Variants in LILRA6 observed in about 807,000 individuals in gnomAD.
LILRA6 encodes the protein leukocyte immunoglobulin like receptor A6, also known as leukocyte immunoglobulin-like receptor subfamily A member 6.
In LILRA6, 16 loss-of-function variants were observed where a neutral mutation model predicts 53.9. The observed-to-expected ratio is 0.30, with a 90% CI of 0.20 to 0.45. The LOEUF (loss-of-function observed/expected upper bound fraction) is 0.45, where lower values mean the gene tolerates loss of function less well. Among genes scored for constraint, LILRA6 ranks in the 20% least tolerant of loss-of-function variants. LILRA6 has a pLI of 1.00. For missense variants in LILRA6, 306 were observed against 618.6 expected, an observed-to-expected ratio of 0.49 and a Z score of 5.36; for synonymous variants, 135 against 256.4, an observed-to-expected ratio of 0.53 and a Z score of 4.52.
Position 54,241,108 on chromosome 19 carries a change from G to GGA in LILRA6, c.676_677dup (p.Leu227ProfsTer3), listed in dbSNP as rs759413435. ...GGACAGGGCCCTGCAGGGTCAGGAGGGAGGGCTTCCTAGACACGCCTGGAG... is the reference window on the plus strand; with the variant it reads ...GGACAGGGCCCTGCAGGGTCAGGAGGGAGAGGGCTTCCTAGACACGCCTGGAG... On this transcript the variant is annotated frameshift_variant, in exon 5 of 8. Transcript: ENST00000396365. LOFTEE classifies it high-confidence loss of function. 1 of 1,593,432 alleles carries GGA rather than the reference G, an allele frequency of 6.3e-7. No individual in the cohort carries two copies. Among genetic ancestry groups the GGA allele is most frequent in the Non-Finnish European group, 8.5e-7 (1 of 1,169,838 alleles).
chr19:54,239,241 G>T, intron 7 of LILRA6, 152 bp from the exon 8 acceptor site: 1 of 1,537,860 alleles, frequency 6.5e-7, no homozygotes, highest in Non-Finnish European at 8.7e-7. Context: ...GTTTTGTGAT[G>T]GGGTGAGGGT....
intron 4 of LILRA6, 22 bp from the exon 5 acceptor site, chr19:54,241,149 G>A (rs767145208): frequency 3.3e-6 from 5 of 1,523,148 alleles, no homozygotes; most frequent in Non-Finnish European, 4.4e-6. Flanking sequence ...GAGGAGCCAG[G>A]ACTGAGAGGG....
rs561477614 is a variant in LILRA6 at position 54,239,450 on chromosome 19, A to G, written c.1310-361T>C. ...GTTTTCCTGTGTTCTATGAATTTCA[A>G]CGCTGCTCCTGAGCCATTTCCTCCC... On this transcript the variant is annotated intron_variant, in intron 7 of 7. Coordinates refer to ENST00000396365, the Ensembl canonical transcript of LILRA6. The G allele has an allele frequency of 2.2e-4, 133 of 618,124 alleles. 3 individuals carry two copies. The East Asian group carries it at 4.2e-3, about 20-fold the overall frequency. 38.3% of individuals were successfully genotyped at this position (618,124 alleles called of 1,614,324 possible).
chr19:54,240,510 A>G (rs1434261692), exon 6 of LILRA6: 5 of 1,606,584 alleles, frequency 3.1e-6, no homozygotes, highest in East Asian at 2.2e-5. Flanking sequence ...CAGCAGGGTC[A>G]CGTTCTCTCC....
At chr19:54,239,328 C>T in intron 7 of LILRA6, 2 of 1,300,722 alleles carry the variant, frequency 1.5e-6, no homozygotes, top group Non-Finnish European at 2.1e-6. Context: ...CGTTCTTATT[C>T]TTCCAGGCCT....
intron 7 of LILRA6, chr19:54,239,440 A>T (rs911221093): frequency 1.6e-6 from 1 of 625,374 alleles, no homozygotes. Flanking sequence ...CCTGTGTTCT[A>T]TGAATTTCAA....
intron 7 of LILRA6, chr19:54,239,565 C>T (rs894793850): frequency 2.1e-6 from 2 of 938,028 alleles, no homozygotes; most frequent in Non-Finnish European, 3.2e-6. Context: ...AGCATTTGAG[C>T]TCAGAGAGGA....
chr19:54,242,046 G>A (rs1173536124), exon 3 of LILRA6: 1 of 1,420,510 alleles, frequency 7.0e-7, no homozygotes, highest in African/African-American at 1.7e-5. Context: ...CAGCTCCAGG[G>A]GGTCGCTGGG....
In LILRA6 at chr19:54,241,349, C is replaced by G. The variant is rs1354228237; in HGVS notation, c.659-222G>C. ...TTCCTCCTCTCCCTGAGAGCTGGGACCTCACAGCAAACACACCGATGCCTT... is the reference window on the plus strand; with the variant it reads ...TTCCTCCTCTCCCTGAGAGCTGGGAGCTCACAGCAAACACACCGATGCCTT... On this transcript the variant is annotated intron_variant, in intron 4 of 7. Coordinates refer to ENST00000396365, the Ensembl canonical transcript of LILRA6. The G allele has an allele frequency of 1.5e-5, 16 of 1,094,180 alleles. 2 individuals are homozygous for G. Among genetic ancestry groups the G allele is most frequent in the Non-Finnish European group, 2.0e-5 (16 of 810,588 alleles). 67.8% of individuals were successfully genotyped at this position (1,094,180 alleles called of 1,614,324 possible).
chr19:54,239,758 C>G (rs1205229650), intron 7 of LILRA6, 143 bp downstream of exon 7: 1 of 1,550,404 alleles, frequency 6.4e-7, no homozygotes, highest in East Asian at 2.4e-5. Flanking sequence ...CTCTCTCTGC[C>G]TTGAACCCCC....
intron 7 of LILRA6, chr19:54,239,632 T>TG (rs1391026750): frequency 9.5e-6 from 13 of 1,375,012 alleles, no homozygotes; most frequent in Admixed American, 4.4e-5. Context: ...GGCCTGACCC[T>TG]GGGGGGTTGA....
At chr19:54,240,321 G>A (rs746158165) in exon 6 of LILRA6, 2 of 1,603,224 alleles carry the variant, frequency 1.2e-6, no homozygotes, top group African/African-American at 2.7e-5. Context: ...CAGCAGGTGG[G>A]GGTTGGAGCT....
chr19:54,242,785 AGG>A lies in LILRA6; in HGVS notation c.-36_-35del, dbSNP rs2147552515. ...CTCCTGGTGACCCCGGGCTCTGCAG[AGG>A]GATGAGCCCTCAGTGCTGGCAGGAC... On this transcript the variant is annotated 5_prime_UTR_variant, in exon 1 of 8. Coordinates refer to ENST00000396365, the Ensembl canonical transcript of LILRA6. 13 of 1,049,972 alleles carry A rather than the reference AGG, an allele frequency of 1.2e-5. 1 individual carries two copies. The East Asian group carries it at 3.2e-4, about 26-fold the overall frequency. 65.0% of individuals were successfully genotyped at this position (1,049,972 alleles called of 1,614,324 possible).
exon 6 of LILRA6, chr19:54,240,298 C>T: frequency 6.2e-7 from 1 of 1,603,648 alleles, no homozygotes; most frequent in Non-Finnish European, 8.5e-7. Context: ...TCCAGGGGCT[C>T]ACTGGGGAAA....
chr19:54,239,128 A>T (rs8099961), intron 7 of LILRA6, 39 bp from the exon 8 acceptor site: 427,216 of 1,588,126 alleles, frequency 0.27, 42,634 homozygotes, highest in African/African-American at 0.66. Flanking sequence ...AGGTCCGGGC[A>T]GATCAACTTC....
At position 54,239,343 on chromosome 19, in the gene LILRA6, A is replaced by T. The variant is rs1009999285; in HGVS notation, c.1310-254T>A. 2.6e-6 allele frequency: 3 copies of T among 1,140,812 alleles called. No individual in the cohort carries two copies. The East Asian group carries it at 8.3e-5, about 32-fold the overall frequency. The allele number at this position is 1,140,812 out of a possible 1,614,324, so 70.7% of individuals were successfully genotyped here. On this transcript the variant is annotated intron_variant, in intron 7 of 7. Transcript: ENST00000396365. ...CGTTCTTATTCTTCCAGGCCTCATG[A>T]CGTGGCTTTTACGGAGTTCCTCAAT...
At chr19:54,239,506 C>A (rs2078689462) in intron 7 of LILRA6, 1 of 669,528 alleles carries the variant, frequency 1.5e-6, no homozygotes, top group Non-Finnish European at 2.5e-6. Context: ...ACCTTCACTC[C>A]CTTCTTTCCT....
At chr19:54,238,355 G>C (rs2078664158), downstream of LILRA6, 1 of 151,082 alleles carries the variant, frequency 6.6e-6, no homozygotes, top group African/African-American at 2.5e-5. Flanking sequence ...CTTTTTCACT[G>C]GGTACTTCTG....
At chr19:54,237,178 C>T (rs2078650728), downstream of LILRA6, 1 of 150,776 alleles carries the variant, frequency 6.6e-6, no homozygotes, top group Non-Finnish European at 1.5e-5. Flanking sequence ...GCCAGAGCAA[C>T]ATGGTGAAAC....
Sources: allele counts gnomAD v4.1 joint callset, GRCh38; gene constraint gnomAD v4.1.1; transcripts MANE v1.5; gene names NCBI Gene and HGNC (gene_info 2026-07-23, HGNC 2026-07-21).